Variants in SELENOF observed in about 807,000 individuals in gnomAD.
SELENOF encodes selenoprotein F, also known as 15 kDa selenoprotein.
SELENOF carries 16 observed loss-of-function variants against 20.5 expected under a neutral mutation model. That is an observed-to-expected ratio of 0.78 (90% confidence interval 0.53 to 1.19). The LOEUF is 1.19. Ranked by LOEUF, SELENOF falls within the 50% of genes most tolerant of loss-of-function variation. SELENOF has a pLI of 0.00. For synonymous variants in SELENOF, 78 were observed against 74.5 expected, an observed-to-expected ratio of 1.05 and a Z score of -0.24; for missense variants, 215 against 194.2, an observed-to-expected ratio of 1.11 and a Z score of -0.64.
rs138793014 is a variant in SELENOF, at chr1:86,867,730, C to G, written c.366+323G>C. 4.4e-3 allele frequency among the ~76,000 whole-genome samples: 571 copies of G among 130,880 alleles called. 4 individuals are homozygous for G. The highest frequency in any genetic ancestry group is 0.029 in the Middle Eastern group (6 of 206). 85.9% of individuals were successfully genotyped at this position (130,880 alleles called of 152,430 possible). A position where few individuals can be genotyped will look rare whatever the true frequency, so the allele number is the denominator to read the frequency against. On this transcript the variant is annotated intron_variant, in intron 4 of 4. Transcript: ENST00000331835. ...GAACTATTAAATTTAATTAATATAT[C>G]AATATTGATTCATCAATTGTAACAA... is the stretch of plus-strand genomic sequence containing the variant.
At chr1:86,891,906 T>C (rs1659391534) in intron 2 of SELENOF, among the ~76,000 whole-genome samples, 1 of 151,174 alleles carries the variant, frequency 6.6e-6, no homozygotes, top group Non-Finnish European at 1.5e-5. Flanking sequence ...TGGTTATTAT[T>C]AAATAAACAT....
chr1:86,906,948 T>C (rs192755926), intron 1 of SELENOF, among the ~76,000 whole-genome samples: 2 of 152,364 alleles, frequency 1.3e-5, no homozygotes, highest in African/African-American at 2.4e-5. Context: ...AACAAACGTA[T>C]AAAACTGTTA....
intron 2 of SELENOF, among the ~76,000 whole-genome samples, chr1:86,888,755 C>A (rs191311805): frequency 1.3e-5 from 2 of 152,356 alleles, no homozygotes; most frequent in African/African-American, 2.4e-5. Context: ...CCCCCACCTC[C>A]CAGGTTCAAG....
chr1:86,863,746 G>A, intron 4 of SELENOF, 141 bp from the exon 5 acceptor site: 3 of 684,680 alleles, frequency 4.4e-6, no homozygotes, highest in Admixed American at 3.6e-5. Context: ...AAGTCTTAAA[G>A]GAAATCTTTA....
chr1:86,898,551 T>G (rs914438562), intron 2 of SELENOF, among the ~76,000 whole-genome samples: 1 of 151,720 alleles, frequency 6.6e-6, no homozygotes, highest in Non-Finnish European at 1.5e-5. Flanking sequence ...AGCTAAAGCA[T>G]TCTATATAAA....
chr1:86,898,417 G>C (rs1659581860), intron 2 of SELENOF, among the ~76,000 whole-genome samples: 1 of 152,090 alleles, frequency 6.6e-6, no homozygotes, highest in Non-Finnish European at 1.5e-5. Context: ...TCTAAATTCA[G>C]TTTGTTGAAA....
At chr1:86,903,572 G>A in intron 1 of SELENOF, 124 bp from the exon 2 acceptor site, 1 of 643,384 alleles carries the variant, frequency 1.6e-6, no homozygotes. Flanking sequence ...TGTTTCATTT[G>A]GAGATAAATT....
intron 3 of SELENOF, among the ~76,000 whole-genome samples, chr1:86,875,736 A>G (rs893453706): frequency 2.0e-5 from 3 of 152,222 alleles, no homozygotes; most frequent in African/African-American, 7.2e-5. Context: ...AATCTTATGT[A>G]GGAGGTGTTA....
At chr1:86,881,631 A>AAAC (rs3835438) in intron 2 of SELENOF, among the ~76,000 whole-genome samples, 2,499 of 152,184 alleles carry the variant, frequency 0.016, 67 homozygotes, top group African/African-American at 0.057. Context: ...ACTTAATTAA[A>AAAC]AACAACAACA....
intron 4 of SELENOF, among the ~76,000 whole-genome samples, chr1:86,865,819 A>G (rs1274128215): frequency 3.9e-5 from 6 of 152,154 alleles, no homozygotes; most frequent in African/African-American, 1.4e-4. Flanking sequence ...AGGTATTTGC[A>G]CACCCAAATG....
chr1:86,863,827 A>G lies in SELENOF; in HGVS notation c.367-222T>C, dbSNP rs1427159342. On this transcript the variant is annotated intron_variant, in intron 4 of 4. Transcript: ENST00000331835. ...AAATCACTCATTCATTCATTCATTC[A>G]TTCATGAGAAAGGGTCTTGCTCTGT... is the stretch of plus-strand genomic sequence containing the variant. Among the ~76,000 whole-genome samples, 3 of 152,142 alleles carry G rather than the reference A, an allele frequency of 2.0e-5. No individual in the cohort carries two copies. In the East Asian group the frequency reaches 5.8e-4, roughly 29 times the overall value.
intron 2 of SELENOF, among the ~76,000 whole-genome samples, chr1:86,889,331 C>T (rs1331935043): frequency 2.0e-5 from 3 of 152,108 alleles, no homozygotes; most frequent in African/African-American, 4.8e-5. Context: ...CGCGGTGGCT[C>T]AGGTCTGTAA....
At chr1:86,896,892 T>C (rs542270915) in intron 2 of SELENOF, among the ~76,000 whole-genome samples, 5 of 152,326 alleles carry the variant, frequency 3.3e-5, no homozygotes, top group South Asian at 2.1e-4. Context: ...ATTTTCAACA[T>C]AGCTTTTAAA....
In SELENOF at chr1:86,863,617, A is replaced by C. The variant is rs376232370; in HGVS notation, c.367-12T>G. 9 of 1,609,878 alleles carry C rather than the reference A, an allele frequency of 5.6e-6. No homozygotes were observed. The highest frequency in any genetic ancestry group is 7.6e-6 in the Non-Finnish European group (9 of 1,177,162). On this transcript the variant is annotated splice_polypyrimidine_tract_variant and intron_variant, in intron 4 of 4. Transcript: ENST00000331835. The stretch of plus-strand genomic sequence containing the variant: ...GAACCACGGACATACTACAAAAAAG[A>C]GGGACGTCATCATTACTTTCTGTTC...
chr1:86,893,871 A>G (rs1198146691), intron 2 of SELENOF, among the ~76,000 whole-genome samples: 1 of 152,214 alleles, frequency 6.6e-6, no homozygotes, highest in African/African-American at 2.4e-5. Context: ...GGGAGTGGGA[A>G]GTGGAGGGCA....
chr1:86,887,060 C>A (rs1367755414), intron 2 of SELENOF: 11 of 1,314,786 alleles, frequency 8.4e-6, no homozygotes, highest in Non-Finnish European at 1.0e-5. Flanking sequence ...AATATTATCA[C>A]CTAAACCATG....
intron 1 of SELENOF, among the ~76,000 whole-genome samples, chr1:86,907,127 A>G (rs1010761370): frequency 6.6e-6 from 1 of 152,226 alleles, no homozygotes; most frequent in Non-Finnish European, 1.5e-5. Context: ...ATGCCATCAC[A>G]GAGCTACCTT....
At chr1:86,910,861 T>C (rs1241487656) in intron 1 of SELENOF, among the ~76,000 whole-genome samples, 1 of 152,226 alleles carries the variant, frequency 6.6e-6, no homozygotes, top group Non-Finnish European at 1.5e-5. Flanking sequence ...CACCTCCAGT[T>C]GGGATCACTG....
chr1:86,880,205 G>A (rs1659030927), intron 3 of SELENOF, among the ~76,000 whole-genome samples: 1 of 151,026 alleles, frequency 6.6e-6, no homozygotes, highest in South Asian at 2.1e-4. Flanking sequence ...GCGTGATCTC[G>A]GCTCACTGCA....
Sources: allele counts gnomAD v4.1 joint callset (sites outside exome capture counted in the v4.1 genomes callset), GRCh38; gene constraint gnomAD v4.1.1; transcripts MANE v1.5; gene names NCBI Gene and HGNC (gene_info 2026-07-23, HGNC 2026-07-21).